Variants in CCSER1 observed in about 807,000 individuals in gnomAD.
The protein encoded by CCSER1 is coiled-coil serine rich protein 1.
A neutral mutation model predicts 82.0 loss-of-function variants in CCSER1; 41 were observed. The observed-to-expected ratio is 0.50, with a 90% confidence interval of 0.39 to 0.65. CCSER1 has a LOEUF of 0.65. CCSER1 is among the 30% of genes least tolerant of loss of function. The pLI is 0.00. For synonymous variants in CCSER1, 414 were observed against 383.9 expected, an observed-to-expected ratio of 1.08 and a Z score of -0.92; for missense variants, 1,119 against 1,064.2, an observed-to-expected ratio of 1.05 and a Z score of -0.72.
At chr4:90,143,603 ATTAAC>A (rs1208038725) in intron 1 of CCSER1, among the ~76,000 whole-genome samples, 2 of 151,906 alleles carry the variant, frequency 1.3e-5, no homozygotes, top group African/African-American at 4.8e-5. Context: ...TATTGAATAA[ATTAAC>A]TTTTCTTTTT....
intron 8 of CCSER1, among the ~76,000 whole-genome samples, chr4:90,822,665 C>T (rs57557634): frequency 0.53 from 78,662 of 147,518 alleles, 21,417 homozygotes; most frequent in African/African-American, 0.66. Flanking sequence ...GAGGCGGAGG[C>T]TGCAGTGAGC....
At chr4:91,477,993 C>A (rs1237246489) in intron 10 of CCSER1, among the ~76,000 whole-genome samples, 1 of 151,812 alleles carries the variant, frequency 6.6e-6, no homozygotes, top group Admixed American at 6.6e-5. Flanking sequence ...ATATTCCAGT[C>A]TTCTTGACCA....
At chr4:90,381,670 C>T (rs1038819115) in intron 3 of CCSER1, among the ~76,000 whole-genome samples, 3 of 152,078 alleles carry the variant, frequency 2.0e-5, no homozygotes, top group Non-Finnish European at 2.9e-5. Context: ...TTAATAAATG[C>T]GTTCCAGAGT....
At chr4:91,584,302 T>C (rs183557114) in intron 10 of CCSER1, among the ~76,000 whole-genome samples, 1 of 151,530 alleles carries the variant, frequency 6.6e-6, no homozygotes, top group South Asian at 2.1e-4. Flanking sequence ...TATTTGAGGC[T>C]CTTTGGACTA....
intron 10 of CCSER1, among the ~76,000 whole-genome samples, chr4:91,371,296 C>T (rs922175796): frequency 2.6e-5 from 4 of 151,724 alleles, no homozygotes; most frequent in African/African-American, 9.7e-5. Flanking sequence ...CAACCCCAAG[C>T]CCCCACCACC....
intron 10 of CCSER1, among the ~76,000 whole-genome samples, chr4:91,294,970 C>T (rs1744044568): frequency 6.6e-6 from 1 of 151,848 alleles, no homozygotes; most frequent in African/African-American, 2.4e-5. Context: ...TTTCATTGTT[C>T]TACTCCAACT....
intron 3 of CCSER1, among the ~76,000 whole-genome samples, chr4:90,344,124 A>G (rs1007277882): frequency 1.3e-5 from 2 of 152,144 alleles, no homozygotes; most frequent in African/African-American, 4.8e-5. Context: ...CCCATAAATA[A>G]GTGAGAACAT....
At chr4:91,403,610 G>A (rs1033872703) in intron 10 of CCSER1, among the ~76,000 whole-genome samples, 5 of 152,084 alleles carry the variant, frequency 3.3e-5, no homozygotes, top group African/African-American at 4.8e-5. Flanking sequence ...ATGAAGGGCC[G>A]CTAAATATTG....
At chr4:90,937,359 C>T (rs1731066701) in intron 9 of CCSER1, among the ~76,000 whole-genome samples, 1 of 152,068 alleles carries the variant, frequency 6.6e-6, no homozygotes, top group Non-Finnish European at 1.5e-5. Context: ...AGGATTTCCT[C>T]ATATTGCTTT....
At chr4:91,102,287 G>A (rs993440072) in intron 10 of CCSER1, among the ~76,000 whole-genome samples, 2 of 133,150 alleles carry the variant, frequency 1.5e-5, no homozygotes, top group Non-Finnish European at 3.5e-5. Context: ...TTTGTAAGAT[G>A]TTAAAATCCA....
At chr4:90,165,030 G>A (rs2153369591) in intron 1 of CCSER1, among the ~76,000 whole-genome samples, 1 of 152,192 alleles carries the variant, frequency 6.6e-6, no homozygotes, top group East Asian at 1.9e-4. Flanking sequence ...GAAAATCACT[G>A]ATGACATTTC....
At chr4:90,537,414 T>C (rs1244973968) in intron 5 of CCSER1, among the ~76,000 whole-genome samples, 2 of 152,152 alleles carry the variant, frequency 1.3e-5, no homozygotes, top group Non-Finnish European at 2.9e-5. Context: ...CATTTTATAA[T>C]GTATTCTTCA....
chr4:91,427,414 A>G (rs1246450669), intron 10 of CCSER1, among the ~76,000 whole-genome samples: 1 of 152,130 alleles, frequency 6.6e-6, no homozygotes, highest in Non-Finnish European at 1.5e-5. Flanking sequence ...AAGAATTACA[A>G]ACTTGTACGA....
intron 5 of CCSER1, among the ~76,000 whole-genome samples, chr4:90,558,218 A>G (rs1002899956): frequency 4.6e-5 from 7 of 152,182 alleles, no homozygotes; most frequent in Admixed American, 3.3e-4. Flanking sequence ...TTTCTCTAGC[A>G]TAGCTGGGTT....
intron 9 of CCSER1, among the ~76,000 whole-genome samples, chr4:90,997,974 A>G (rs976046656): frequency 2.0e-5 from 3 of 152,242 alleles, no homozygotes; most frequent in Non-Finnish European, 4.4e-5. Flanking sequence ...CCAGCTGAAA[A>G]TAATAAAATA....
intron 10 of CCSER1, among the ~76,000 whole-genome samples, chr4:91,369,870 C>CAT (rs1749911696): frequency 1.3e-5 from 2 of 149,528 alleles, no homozygotes; most frequent in African/African-American, 5.0e-5. Flanking sequence ...TTAGGAGAGA[C>CAT]GGGGTTTCAC....
At chr4:90,469,524 A>AACACACACACACACACAC (rs3971380) in intron 5 of CCSER1, among the ~76,000 whole-genome samples, 101 of 136,414 alleles carry the variant, frequency 7.4e-4, no homozygotes, top group East Asian at 2.7e-3. Flanking sequence ...TTTCCTGCAA[A>AACACACACACACACACAC]ACACACACAC....
chr4:90,303,784 AG>A (rs1299390261), intron 1 of CCSER1, among the ~76,000 whole-genome samples: 1 of 152,168 alleles, frequency 6.6e-6, no homozygotes, highest in African/African-American at 2.4e-5. Flanking sequence ...TGGCAACAAA[AG>A]CCAAAATTGA....
rs981396282 is a variant in CCSER1, at chr4:90,468,642, A to G, written c.1724+288A>G. 5.5e-5 allele frequency: 12 copies of G among 219,662 alleles called. No homozygotes were observed. In the East Asian group the frequency reaches 1.1e-3, roughly 20 times the overall value. The allele number at this position is 219,662 out of a possible 1,614,324, so 13.6% of individuals were successfully genotyped here. On this transcript the variant is annotated intron_variant, in intron 5 of 10. Transcript: ENST00000509176. ...TTCCCTACTCTGTGATTGTGGGTAC[A>G]CTGTTCTTGGATTGCTTACTATATA...
Sources: gnomAD v4.1 joint callset for allele counts (sites outside exome capture counted in the v4.1 genomes callset) on GRCh38, gnomAD v4.1.1 for gene constraint, MANE v1.5 for transcripts, NCBI Gene and HGNC (gene_info 2026-07-23, HGNC 2026-07-21) for gene names.